ZBTB43: variants seen among roughly 807,000 people sequenced by gnomAD.
The protein encoded by ZBTB43 is zinc finger and BTB domain-containing protein 43.
In ZBTB43, 6 loss-of-function variants were observed where a neutral mutation model predicts 31.1. The observed-to-expected ratio is 0.19, with a 90% CI of 0.11 to 0.38. The LOEUF (loss-of-function observed/expected upper bound fraction) is 0.38. Ranked by LOEUF, ZBTB43 falls within the 10% of genes least tolerant of loss-of-function variation. The probability of loss-of-function intolerance (pLI) is 1.00; values close to 1 mark genes in which losing one functional copy is unlikely to be tolerated. For synonymous variants in ZBTB43, 212 were observed against 221.7 expected (o/e 0.96, Z 0.39); for missense variants, 379 against 602.1 (o/e 0.63, Z 3.88).
In ZBTB43 at chr9:126,837,103, CAAA is replaced by C. The variant is rs3837241; in HGVS notation, c.*3204_*3206del. 5 of 129,908 alleles carry C rather than the reference CAAA, an allele frequency of 3.8e-5. No homozygotes were observed. The highest frequency in any genetic ancestry group is 2.2e-4 in the East Asian group (1 of 4,558). The allele number at this position is 129,908 out of a possible 1,614,324, so 8.0% of individuals were successfully genotyped here. ...TGCGCGACAGATCGAGACTCTGTCT[CAAA>C]AAAAAAAAAAAAATTCATACTTATG... On this transcript the variant is annotated 3_prime_UTR_variant, in exon 3 of 3. Transcript: ENST00000373464.
intron 2 of ZBTB43, among the ~76,000 whole-genome samples, chr9:126,817,483 T>G (rs1457968888): frequency 6.6e-6 from 1 of 150,420 alleles, no homozygotes; most frequent in African/African-American, 2.4e-5. Flanking sequence ...TGAAGTTTTT[T>G]TTTTTTTTTT....
intron 2 of ZBTB43, among the ~76,000 whole-genome samples, chr9:126,812,142 AT>A (rs1332575810): frequency 6.6e-6 from 1 of 152,120 alleles, no homozygotes; most frequent in Admixed American, 6.6e-5. Flanking sequence ...TATTCTGGAC[AT>A]TTCATATAAG....
intron 2 of ZBTB43, among the ~76,000 whole-genome samples, chr9:126,821,751 A>T (rs1429413969): frequency 6.6e-6 from 1 of 152,204 alleles, no homozygotes; most frequent in Non-Finnish European, 1.5e-5. Context: ...ACAACAAAGG[A>T]TTTAGAGTAA....
intron 2 of ZBTB43, chr9:126,832,192 A>G (rs776435685): frequency 1.0e-5 from 3 of 294,596 alleles, no homozygotes; most frequent in Non-Finnish European, 1.9e-5. Flanking sequence ...TATTTACAGT[A>G]CTTGGTTTTA....
intron 2 of ZBTB43, among the ~76,000 whole-genome samples, chr9:126,819,933 A>G (rs1255249609): frequency 2.6e-5 from 4 of 152,218 alleles, no homozygotes; most frequent in African/African-American, 9.6e-5. Flanking sequence ...CATACCAACC[A>G]CAACATTCCT....
At chr9:126,826,170 C>T (rs575630347) in intron 2 of ZBTB43, among the ~76,000 whole-genome samples, 2 of 151,920 alleles carry the variant, frequency 1.3e-5, no homozygotes, top group East Asian at 2.0e-4. Flanking sequence ...CCCACCACCA[C>T]GCCCAGCTTA....
At chr9:126,810,080 G>A (rs911506477) in intron 2 of ZBTB43, among the ~76,000 whole-genome samples, 10 of 152,012 alleles carry the variant, frequency 6.6e-5, no homozygotes, top group African/African-American at 1.9e-4. Context: ...TGTGATCCAC[G>A]GGCCTCAGCC....
intron 2 of ZBTB43, among the ~76,000 whole-genome samples, chr9:126,824,088 G>A (rs905505484): frequency 1.3e-5 from 2 of 151,914 alleles, no homozygotes; most frequent in African/African-American, 2.4e-5. Flanking sequence ...GTGCAGTGGC[G>A]CAATCTCCGC....
At chr9:126,817,286 A>G (rs911501103) in intron 2 of ZBTB43, among the ~76,000 whole-genome samples, 3 of 150,666 alleles carry the variant, frequency 2.0e-5, no homozygotes, top group African/African-American at 4.9e-5. Flanking sequence ...TAATTTTTGT[A>G]TATTTGTAGA....
chr9:126,806,834 T>G (rs989486939), intron 1 of ZBTB43, among the ~76,000 whole-genome samples: 1 of 152,146 alleles, frequency 6.6e-6, no homozygotes, highest in African/African-American at 2.4e-5. Context: ...GTTAAATGAA[T>G]TTGGTTAAAA....
intron 2 of ZBTB43, among the ~76,000 whole-genome samples, chr9:126,815,545 A>G (rs1158252920): frequency 6.7e-6 from 1 of 149,988 alleles, no homozygotes; most frequent in African/African-American, 2.5e-5. Context: ...TTTTGTTGCC[A>G]TGTTTTCAAG....
intron 2 of ZBTB43, among the ~76,000 whole-genome samples, chr9:126,827,215 A>T (rs754800617): frequency 6.6e-6 from 1 of 152,100 alleles, no homozygotes; most frequent in Non-Finnish European, 1.5e-5. Flanking sequence ...AAATGTCTGG[A>T]TCTGTGTGTG....
At chr9:126,824,229 G>T (rs758072129) in intron 2 of ZBTB43, among the ~76,000 whole-genome samples, 1 of 152,162 alleles carries the variant, frequency 6.6e-6, no homozygotes, top group Non-Finnish European at 1.5e-5. Context: ...GTTTCACTTT[G>T]TTGACCAGGC....
chr9:126,810,935 T>C (rs2119111317), intron 2 of ZBTB43, among the ~76,000 whole-genome samples: 1 of 151,928 alleles, frequency 6.6e-6, no homozygotes, highest in African/African-American at 2.4e-5. Flanking sequence ...ATAGTGATAT[T>C]CACAGCCAGG....
intron 2 of ZBTB43, among the ~76,000 whole-genome samples, chr9:126,813,124 A>T (rs1388716727): frequency 6.6e-6 from 1 of 151,848 alleles, no homozygotes; most frequent in Non-Finnish European, 1.5e-5. Flanking sequence ...GGGATAACAG[A>T]TGTGTGCCAC....
At chr9:126,812,618 A>T (rs140058533) in intron 2 of ZBTB43, among the ~76,000 whole-genome samples, 1 of 152,308 alleles carries the variant, frequency 6.6e-6, no homozygotes, top group East Asian at 1.9e-4. Context: ...TTAGTGAGTG[A>T]AAAGGGATGT....
rs2032832737 is a variant in ZBTB43, at chr9:126,834,261, A to C, written c.*348A>C. 1 of 211,154 alleles carries C rather than the reference A, an allele frequency of 4.7e-6. No individual in the cohort carries two copies. Among genetic ancestry groups the C allele is most frequent in the Non-Finnish European group, 1.0e-5 (1 of 96,838 alleles). The allele number at this position is 211,154 out of a possible 1,614,324, so 13.1% of individuals were successfully genotyped here. On this transcript the variant is annotated 3_prime_UTR_variant, in exon 3 of 3. Coordinates refer to ENST00000373464, the MANE Select transcript of ZBTB43 (RefSeq NM_014007.4). The stretch of plus-strand genomic sequence containing the variant: ...CCATTTTGGGTGGCAGCAGCTTTGG[A>C]TCACTCATTATTACAAGGTCATGCT...
Position 126,834,182 on chromosome 9 carries a change from C to G in ZBTB43, c.*269C>G. ...GGGAAACCTTCTGACTGGTTGTGAT[C>G]GAAACAGGTGGACAGAGACACCTGC... On this transcript the variant is annotated 3_prime_UTR_variant, in exon 3 of 3. Transcript: ENST00000373464. 3.0e-6 allele frequency: 1 copy of G among 329,270 alleles called. No individual in the cohort carries two copies. The highest frequency in any genetic ancestry group is 5.0e-5 in the East Asian group (1 of 19,946). The allele number at this position is 329,270 out of a possible 1,614,324, so 20.4% of individuals were successfully genotyped here.
At chr9:126,816,631 G>T (rs537420563) in intron 2 of ZBTB43, among the ~76,000 whole-genome samples, 4 of 152,116 alleles carry the variant, frequency 2.6e-5, no homozygotes, top group Non-Finnish European at 4.4e-5. Context: ...TTGTATACCC[G>T]AATATTGTTA....
Sources: gnomAD v4.1 joint callset for allele counts (sites outside exome capture counted in the v4.1 genomes callset) on GRCh38, gnomAD v4.1.1 for gene constraint, MANE v1.5 for transcripts, NCBI Gene and HGNC (gene_info 2026-07-23, HGNC 2026-07-21) for gene names.